Variants in SAXO5 observed in about 807,000 individuals in gnomAD.
SAXO5 encodes the protein testis expressed 45.
At chr19:7,501,879 A>G in the SAXO5 span, among the ~76,000 whole-genome samples, 1 of 141,860 alleles carries the variant, frequency 7.0e-6, no homozygotes, top group Non-Finnish European at 1.5e-5. Context: ...GAGAGAGAGG[A>G]AGGAAGGAAG....
the SAXO5 span, chr19:7,501,475 C>T: frequency 6.7e-6 from 9 of 1,350,244 alleles, no homozygotes; most frequent in African/African-American, 1.5e-5. Context: ...GCTCTTCATT[C>T]CCCTTCCCCC....
At chr19:7,506,835 T>A in the SAXO5 span, 2 of 398,466 alleles carry the variant, frequency 5.0e-6, no homozygotes, top group African/African-American at 2.1e-5. Context: ...CGCCTACCTC[T>A]TTCCCAGCTC....
chr19:7,502,862 C>G, the SAXO5 span, among the ~76,000 whole-genome samples: 41 of 152,234 alleles, frequency 2.7e-4, no homozygotes, highest in Non-Finnish European at 4.4e-4. Flanking sequence ...CAAAGAGTAG[C>G]CAGCATTCGT....
chr19:7,501,230 G>A, the SAXO5 span: 1 of 1,552,626 alleles, frequency 6.4e-7, no homozygotes, highest in Non-Finnish European at 8.6e-7. Flanking sequence ...GCTGGCCCGA[G>A]CTGCCGGCGC....
chr19:7,501,306 C>G, the SAXO5 span: 6 of 1,572,656 alleles, frequency 3.8e-6, no homozygotes, highest in Middle Eastern at 3.3e-4. Context: ...TCCTGGCGAC[C>G]GCGACAAGTT....
At chr19:7,505,902 T>TC in the SAXO5 span, 106 of 1,459,524 alleles carry the variant, frequency 7.3e-5, no homozygotes, top group African/African-American at 4.5e-4. Context: ...ACCTCCTCCC[T>TC]CCCCCCCGGG....
At chr19:7,507,152 C>T in the SAXO5 span, 14 of 1,610,568 alleles carry the variant, frequency 8.7e-6, no homozygotes, top group South Asian at 6.6e-5. Flanking sequence ...GTAAGGGAGG[C>T]GGAGGGGAGC....
At chr19:7,505,429 G>A in the SAXO5 span, 2 of 1,614,128 alleles carry the variant, frequency 1.2e-6, no homozygotes, top group South Asian at 2.2e-5. Context: ...TCTATGCCAG[G>A]GAGCCAGGTG....
At chr19:7,501,859 AAGAG>A in the SAXO5 span, among the ~76,000 whole-genome samples, 3,600 of 145,724 alleles carry the variant, frequency 0.025, 63 homozygotes, top group Middle Eastern at 0.064. Context: ...AGAAAGAAGA[AAGAG>A]AGAGAGAGAG....
chr19:7,502,312 G>A, the SAXO5 span, among the ~76,000 whole-genome samples: 8 of 152,090 alleles, frequency 5.3e-5, no homozygotes, highest in Non-Finnish European at 1.5e-5. Context: ...GTCTTACTAT[G>A]TTGCCCTGGC....
the SAXO5 span, among the ~76,000 whole-genome samples, chr19:7,502,719 T>G: frequency 2.0e-5 from 3 of 152,074 alleles, no homozygotes; most frequent in Non-Finnish European, 2.9e-5. Context: ...TTAGTAGCTG[T>G]GTGAGTCTGA....
At chr19:7,501,248 A>G in the SAXO5 span, 13 of 1,565,798 alleles carry the variant, frequency 8.3e-6, no homozygotes, top group East Asian at 3.2e-4. Flanking sequence ...CGCGCACCCG[A>G]GAGCGGATCC....
At chr19:7,499,940 G>GTGTGTGTGTGTGTGTGTGTGTGTGTGTA in the SAXO5 span, 66 of 143,250 alleles carry the variant, frequency 4.6e-4, no homozygotes, top group African/African-American at 1.7e-3. Context: ...ATTTGTGTGT[G>GTGTGTGTGTGTGTGTGTGTGTGTGTGTA]TGTGTGTGTG....
At chr19:7,506,196 G>GAGCCCCGCCCCTGGA in the SAXO5 span, 1 of 1,529,482 alleles carries the variant, frequency 6.5e-7, no homozygotes, top group Non-Finnish European at 8.8e-7. Flanking sequence ...CCGCCCCATG[G>GAGCCCCGCCCCTGGA]AGCCCCGCCC....
chr19:7,505,587 C>T, the SAXO5 span: 11 of 1,614,062 alleles, frequency 6.8e-6, no homozygotes, highest in African/African-American at 1.3e-5. Context: ...GCCCCGGCCC[C>T]GGCAGTCTGG....
chr19:7,506,206 C>CTA, the SAXO5 span: 1 of 1,461,034 alleles, frequency 6.8e-7, no homozygotes, highest in Non-Finnish European at 9.1e-7. Flanking sequence ...GAGCCCCGCC[C>CTA]CGGGAAGCCC....
At chr19:7,503,165 C>A in the SAXO5 span, among the ~76,000 whole-genome samples, 1 of 152,102 alleles carries the variant, frequency 6.6e-6, no homozygotes, top group Non-Finnish European at 1.5e-5. Context: ...GAGTTGGAGA[C>A]CAGCCTGGCC....
the SAXO5 span, among the ~76,000 whole-genome samples, chr19:7,507,644 G>C: frequency 6.6e-6 from 1 of 151,790 alleles, no homozygotes; most frequent in African/African-American, 2.4e-5. Context: ...GTCAAGGTCA[G>C]CTCAGGGGCA....
chr19:7,505,830 C>G, the SAXO5 span: 1 of 985,942 alleles, frequency 1.0e-6, no homozygotes, highest in Non-Finnish European at 1.5e-6. Flanking sequence ...AGTACCAACT[C>G]CCAGTGCTAC....
Sources: gnomAD v4.1 joint callset for allele counts (sites outside exome capture counted in the v4.1 genomes callset) on GRCh38, gnomAD v4.1.1 for gene constraint, MANE v1.5 for transcripts, NCBI Gene and HGNC (gene_info 2026-07-23, HGNC 2026-07-21) for gene names.